SLC6A3: variants seen among roughly 807,000 people sequenced by gnomAD.
The protein encoded by SLC6A3 is solute carrier family 6 member 3, also known as sodium-dependent dopamine transporter.
A neutral mutation model predicts 70.4 loss-of-function variants in SLC6A3; 19 were observed. The observed-to-expected ratio is 0.27, with a 90% CI of 0.19 to 0.40. The LOEUF is 0.40. SLC6A3 is among the 10% of genes least tolerant of loss of function. The pLI is 1.00. For missense variants in SLC6A3, 613 were observed against 838.5 expected (o/e 0.73, Z 3.32); for synonymous variants, 368 against 356.6 (o/e 1.03, Z -0.36).
rs1579710151 is a variant in SLC6A3 at position 1,414,882 on chromosome 5, T to C, written c.1032-67A>G. 2.5e-6 allele frequency: 4 copies of C among 1,603,928 alleles called. No individual in the cohort carries two copies. In the East Asian group the frequency reaches 8.9e-5, roughly 36 times the overall value. On this transcript the variant is annotated intron_variant, in intron 7 of 14. Transcript: ENST00000270349. ...GCAGCAGCTGCAATTTTCCAGTCAT[T>C]ATTCTTAATTTACTGTGTCTGGGGA...
rs6879732 is a variant in SLC6A3 at position 1,411,584 on chromosome 5, C to T, written c.1157-229G>A. 0.02 allele frequency among the ~76,000 whole-genome samples: 3,032 copies of T among 152,338 alleles called. 96 individuals carry two copies. The highest frequency in any genetic ancestry group is 0.068 in the African/African-American group (2,831 of 41,572). On this transcript the variant is annotated intron_variant, in intron 8 of 14. Coordinates refer to ENST00000270349, the MANE Select transcript of SLC6A3 (RefSeq NM_001044.5). The surrounding 1 kb of genome is among the most constrained non-coding windows in gnomAD (Gnocchi z 6.5). The stretch of plus-strand genomic sequence containing the variant: ...GCTTTGGTTCATGCCCACCACCCAG[C>T]AATGGGGCTCCTCCAAATTACCTGG...
intron 4 of SLC6A3, among the ~76,000 whole-genome samples, chr5:1,424,391 C>G (rs1490316066): frequency 6.6e-6 from 1 of 152,218 alleles, no homozygotes; most frequent in East Asian, 1.9e-4. Flanking sequence ...GTTCTGCTCC[C>G]CCAGCAAGGT....
chr5:1,398,203 A>C (rs1442949514), intron 14 of SLC6A3, among the ~76,000 whole-genome samples: 2 of 152,068 alleles, frequency 1.3e-5, no homozygotes, highest in Non-Finnish European at 2.9e-5. Flanking sequence ...TCTACTAAAA[A>C]CACAAAAATT....
In SLC6A3 at chr5:1,432,683, A is replaced by G; in HGVS notation, c.434T>C (p.Val145Ala). Reference sequence around the variant, plus strand: ...GCCGACATACAGTGAGATGAGGATGACCGTGAAGCCCACACCTAGCGGGAA... The same window carrying G: ...GCCGACATACAGTGAGATGAGGATGGCCGTGAAGCCCACACCTAGCGGGAA... ...CPILKGVGFTVILISLYVGFF... is the reference protein window; with the variant it reads ...CPILKGVGFTAILISLYVGFF... The change falls in exon 4 of 15, where the codon GTC becomes GCC. Residue 145 changes from valine (V) to alanine (A), a missense_variant. By Grantham distance (64) the Val-to-Ala change is moderately conservative. Transcript: ENST00000270349. The G allele has an allele frequency of 1.2e-6, 2 of 1,613,950 alleles. No individual in the cohort carries two copies. Among genetic ancestry groups the G allele is most frequent in the Non-Finnish European group, 1.7e-6 (2 of 1,179,850 alleles).
At chr5:1,425,119 C>T (rs1756549686) in intron 4 of SLC6A3, among the ~76,000 whole-genome samples, 1 of 152,240 alleles carries the variant, frequency 6.6e-6, no homozygotes, top group African/African-American at 2.4e-5. Context: ...GGAAAAGACA[C>T]AGCACCTCCC....
intron 4 of SLC6A3, among the ~76,000 whole-genome samples, chr5:1,423,349 TGCCC>T (rs1756507620): frequency 1.0e-5 from 1 of 98,634 alleles, no homozygotes; most frequent in African/African-American, 3.1e-5. Flanking sequence ...CCCACAGTGC[TGCCC>T]ACGCTGCTGG....
At chr5:1,440,328 G>A (rs780989591) in intron 3 of SLC6A3, among the ~76,000 whole-genome samples, 22 of 151,986 alleles carry the variant, frequency 1.4e-4, no homozygotes, top group Non-Finnish European at 3.1e-4. Context: ...TAGGTAGATG[G>A]ATGGATCAAT....
chr5:1,435,396 G>A (rs1279842560), intron 3 of SLC6A3, among the ~76,000 whole-genome samples: 1 of 152,256 alleles, frequency 6.6e-6, no homozygotes, highest in Non-Finnish European at 1.5e-5. Context: ...ACCCTGGGAA[G>A]TCCTTGATCA....
At chr5:1,435,503 C>T (rs2963245) in intron 3 of SLC6A3, among the ~76,000 whole-genome samples, 4,011 of 152,330 alleles carry the variant, frequency 0.026, 166 homozygotes, top group African/African-American at 0.087. Flanking sequence ...CTGCCCTGCA[C>T]CACAGATTGG....
chr5:1,433,274 C>A (rs957556512), intron 3 of SLC6A3, among the ~76,000 whole-genome samples: 14 of 151,872 alleles, frequency 9.2e-5, no homozygotes, highest in African/African-American at 3.4e-4. Flanking sequence ...GCAAATAGGG[C>A]CATCAAAGGT....
chr5:1,443,858 G>T (rs2937638), intron 1 of SLC6A3, among the ~76,000 whole-genome samples: 45,256 of 150,910 alleles, frequency 0.3, 8,559 homozygotes, highest in African/African-American at 0.51. Flanking sequence ...GTGTTTTTTT[G>T]TTGTTGTTGT....
In SLC6A3 at chr5:1,434,794, A is replaced by G. The variant is rs192105820; in HGVS notation, c.419-2096T>C. On this transcript the variant is annotated intron_variant, in intron 3 of 14. Coordinates refer to ENST00000270349, the MANE Select transcript of SLC6A3 (RefSeq NM_001044.5). ...GGGGGTGGCCTGGGTTGCTTTTTAT[A>G]GTCTCAATCCTTAGGAGAAGCTGTT... 1.1e-4 allele frequency among the ~76,000 whole-genome samples: 17 copies of G among 152,330 alleles called. No homozygotes were observed. In the East Asian group the frequency reaches 3.1e-3, roughly 28 times the overall value.
chr5:1,424,779 G>A (rs1159303469), intron 4 of SLC6A3, among the ~76,000 whole-genome samples: 1 of 152,216 alleles, frequency 6.6e-6, no homozygotes, highest in East Asian at 1.9e-4. Context: ...TTGACACACT[G>A]GGTCGAGCCC....
chr5:1,432,792 T>C (rs1422604575), intron 3 of SLC6A3, 94 bp from the exon 4 acceptor site: 1 of 856,428 alleles, frequency 1.2e-6, no homozygotes, highest in Non-Finnish European at 1.9e-6. Context: ...ACGGGAGACA[T>C]TACCCTGAGC....
At position 1,412,761 on chromosome 5, in the gene SLC6A3, C is replaced by T. The variant is rs528458865; in HGVS notation, c.1157-1406G>A. Among the ~76,000 whole-genome samples the T allele has an allele frequency of 7.9e-5, 12 of 152,368 alleles. No homozygotes were observed. The South Asian group carries it at 2.5e-3, about 32-fold the overall frequency. ...TCTGGCCCTAGCCTGCAGGAATAGG[C>T]CTGCGCCTGGCCTTTTAAATAATCA... On this transcript the variant is annotated intron_variant, in intron 8 of 14. Coordinates refer to ENST00000270349, the MANE Select transcript of SLC6A3 (RefSeq NM_001044.5).
chr5:1,415,054 A>C (rs1756251366), intron 7 of SLC6A3, among the ~76,000 whole-genome samples: 1 of 152,162 alleles, frequency 6.6e-6, no homozygotes, highest in African/African-American at 2.4e-5. Flanking sequence ...TGGGCAGAAC[A>C]GACGGCCACC....
At position 1,420,643 on chromosome 5, in the gene SLC6A3, C is replaced by A. The variant is rs866822115; in HGVS notation, c.853G>T (p.Val285Phe). Residue 285 changes from valine (V) to phenylalanine (F), a missense_variant, in exon 6 of 15, where the codon GTC (valine) becomes TTC (phenylalanine). This residue lies in a region of SLC6A3 where 348 missense variants were observed against 481.2 expected (regional missense o/e 0.72). Transcript: ENST00000270349. Reference sequence around the variant, plus strand: ...CCGTCTATGGCTCCAGGGAGGGTGACCCCACGCAGGAGCAGGGCAGTGAGG... The same window carrying A: ...CCGTCTATGGCTCCAGGGAGGGTGAACCCACGCAGGAGCAGGGCAGTGAGG... The part of the protein sequence containing the change: ...VVLTALLLRG[V>F]TLPGAIDGIR... 2 of 1,613,612 alleles carry A rather than the reference C, an allele frequency of 1.2e-6. No individual in the cohort carries two copies. The highest frequency in any genetic ancestry group is 8.5e-7 in the Non-Finnish European group (1 of 1,179,924).
rs1392811603 is a variant in SLC6A3, at chr5:1,414,688, C to T, written c.1156+3G>A. The T allele has an allele frequency of 3.1e-6, 5 of 1,612,288 alleles. No homozygotes were observed. The highest frequency in any genetic ancestry group is 3.4e-6 in the Non-Finnish European group (4 of 1,179,702). On this transcript the variant is annotated splice_donor_region_variant and intron_variant, in intron 8 of 14. Coordinates refer to ENST00000270349, the MANE Select transcript of SLC6A3 (RefSeq NM_001044.5). ...AGGCCCAGGTGCAGCAGGAGGGGCT[C>T]ACCGTCCTTGGCCACGTCCCCGATG...
chr5:1,414,194 C>T (rs1756197220), intron 8 of SLC6A3, among the ~76,000 whole-genome samples: 1 of 151,974 alleles, frequency 6.6e-6, no homozygotes, highest in South Asian at 2.1e-4. Flanking sequence ...GCTGCATGTT[C>T]CCACACCGCG....
Sources: allele counts gnomAD v4.1 joint callset (sites outside exome capture counted in the v4.1 genomes callset), GRCh38; gene constraint gnomAD v4.1.1; regional missense constraint gnomAD v4.1.1; non-coding constraint Gnocchi (gnomAD v3.1); transcripts MANE v1.5; gene names NCBI Gene and HGNC (gene_info 2026-07-23, HGNC 2026-07-21).